USP47: variants seen among roughly 807,000 people sequenced by gnomAD.
USP47 encodes the protein ubiquitin carboxyl-terminal hydrolase 47.
USP47 carries 35 observed loss-of-function variants against 165.1 expected under a neutral mutation model. The observed-to-expected ratio is 0.21, with a 90% confidence interval of 0.16 to 0.28. The LOEUF is 0.28. Among genes scored for constraint, USP47 ranks in the 10% least tolerant of loss-of-function variants. USP47 has a pLI of 1.00. For missense variants in USP47, 1,277 were observed against 1,607.4 expected, an observed-to-expected ratio of 0.79 and a Z score of 3.52; for synonymous variants, 531 against 544.5, an observed-to-expected ratio of 0.98 and a Z score of 0.35.
intron 1 of USP47, among the ~76,000 whole-genome samples, chr11:11,878,386 C>CACTTT (rs1163519392): frequency 6.6e-6 from 1 of 152,096 alleles, no homozygotes; most frequent in Non-Finnish European, 1.5e-5. Flanking sequence ...CTGAAGTATA[C>CACTTT]TATTGAATCT....
chr11:11,888,806 A>G (rs1851331711), intron 3 of USP47, among the ~76,000 whole-genome samples: 1 of 152,210 alleles, frequency 6.6e-6, no homozygotes, highest in Non-Finnish European at 1.5e-5. Context: ...ATCCTTAATA[A>G]AATACTGGCA....
At chr11:11,954,079 G>C (rs1331559809) in intron 25 of USP47, among the ~76,000 whole-genome samples, 1 of 151,950 alleles carries the variant, frequency 6.6e-6, no homozygotes, top group Admixed American at 6.6e-5. Flanking sequence ...GTGAAACCCT[G>C]TGTCTACTAA....
intron 2 of USP47, among the ~76,000 whole-genome samples, chr11:11,880,803 T>G (rs1850776286): frequency 6.6e-6 from 1 of 152,166 alleles, no homozygotes; most frequent in Admixed American, 6.6e-5. Flanking sequence ...CCTCATACAT[T>G]ACAGTGTTAA....
intron 8 of USP47, among the ~76,000 whole-genome samples, chr11:11,917,952 C>A (rs1367516752): frequency 6.6e-6 from 1 of 152,046 alleles, no homozygotes; most frequent in Non-Finnish European, 1.5e-5. Context: ...ATGTTAAAAT[C>A]AAGGGTGGAA....
At chr11:11,846,928 AGAGAC>A (rs1462915705) in intron 1 of USP47, among the ~76,000 whole-genome samples, 1 of 152,146 alleles carries the variant, frequency 6.6e-6, no homozygotes, top group African/African-American at 2.4e-5. Flanking sequence ...CTTACCAGTA[AGAGAC>A]AAGTTTGTCA....
At chr11:11,949,644 A>G (rs557023255) in intron 22 of USP47, among the ~76,000 whole-genome samples, 16 of 152,268 alleles carry the variant, frequency 1.1e-4, no homozygotes, top group African/African-American at 1.7e-4. Context: ...AACCTTTACA[A>G]TGACTCAGTG....
Position 11,938,247 on chromosome 11 carries a change from A to G in USP47, c.2078-10A>G. On this transcript the variant is annotated splice_polypyrimidine_tract_variant and intron_variant, in intron 17 of 27. Transcript: ENST00000527733. ...CTCCAATTCTGTGTTTATGTCTTCAAATGTGACAGAAGTGATGGTGAAAGT... is the reference window on the plus strand; with the variant it reads ...CTCCAATTCTGTGTTTATGTCTTCAGATGTGACAGAAGTGATGGTGAAAGT... 1 of 1,609,036 alleles carries G rather than the reference A, an allele frequency of 6.2e-7. No individual in the cohort carries two copies. Among genetic ancestry groups the G allele is most frequent in the Non-Finnish European group, 8.5e-7 (1 of 1,176,206 alleles).
chr11:11,842,746 A>G (rs1848203816), intron 1 of USP47, among the ~76,000 whole-genome samples: 2 of 152,046 alleles, frequency 1.3e-5, no homozygotes, highest in Non-Finnish European at 2.9e-5. Flanking sequence ...GCCTGCCTAA[A>G]TGGGGCCTAC....
intron 8 of USP47, among the ~76,000 whole-genome samples, chr11:11,909,710 G>A (rs373121444): frequency 6.6e-6 from 1 of 152,238 alleles, no homozygotes; most frequent in Admixed American, 6.5e-5. Context: ...TGACAAAAAC[G>A]TGTTCAAAGT....
At chr11:11,947,849 C>A in intron 20 of USP47, 96 bp from the exon 21 acceptor site, 1 of 1,295,916 alleles carries the variant, frequency 7.7e-7, no homozygotes, top group Non-Finnish European at 1.1e-6. Flanking sequence ...CTCTTTACTG[C>A]ATACAGTGTA....
chr11:11,903,169 A>T (rs1182207997), intron 6 of USP47, 94 bp from the exon 7 acceptor site: 2 of 1,224,740 alleles, frequency 1.6e-6, no homozygotes, highest in Non-Finnish European at 2.3e-6. Context: ...TTTAAGGTAG[A>T]CTTCAATATT....
At chr11:11,929,608 G>A (rs780163460) in intron 12 of USP47, 43 bp downstream of exon 12, 1 of 1,599,408 alleles carries the variant, frequency 6.3e-7, no homozygotes, top group South Asian at 1.1e-5. Context: ...AAAGGTGGGA[G>A]TAAGGATGTT....
At chr11:11,944,299 T>A (rs148501022) in intron 20 of USP47, among the ~76,000 whole-genome samples, 1 of 151,862 alleles carries the variant, frequency 6.6e-6, no homozygotes, top group East Asian at 1.9e-4. Context: ...ATGCTTGTAG[T>A]CTCAAAATTC....
At chr11:11,847,632 A>C (rs1396085901) in intron 1 of USP47, among the ~76,000 whole-genome samples, 1 of 152,126 alleles carries the variant, frequency 6.6e-6, no homozygotes, top group Non-Finnish European at 1.5e-5. Context: ...TCTCACATAT[A>C]GTTCACCACT....
At chr11:11,954,672 GGGTGTAGTTTGTGTATGCATA>G (rs1210925137) in intron 25 of USP47, among the ~76,000 whole-genome samples, 1 of 152,186 alleles carries the variant, frequency 6.6e-6, no homozygotes, top group Non-Finnish European at 1.5e-5. Flanking sequence ...TTAGAAACGT[GGGTGTAGTTTGTGTATGCATA>G]GGAAAAGGTC....
Position 11,841,982 on chromosome 11 carries a change from G to C in USP47, c.-204G>C, listed in dbSNP as rs897602722. On this transcript the variant is annotated 5_prime_UTR_variant, in exon 1 of 28. Coordinates refer to ENST00000527733, the MANE Select transcript of USP47 (RefSeq NM_001282659.2). ...GGGGGAGGGGCCGACGACGAAGGCG[G>C]CTGTGGTAGCGGCGGCGGCGGCGGC... 7.7e-5 allele frequency: 41 copies of C among 534,752 alleles called. No individual in the cohort carries two copies. The highest frequency in any genetic ancestry group is 1.3e-4 in the Non-Finnish European group (40 of 307,664). The allele number at this position is 534,752 out of a possible 1,614,324, so 33.1% of individuals were successfully genotyped here.
intron 1 of USP47, among the ~76,000 whole-genome samples, chr11:11,866,236 T>TC (rs1320857689): frequency 2.6e-5 from 4 of 152,182 alleles, no homozygotes; most frequent in Non-Finnish European, 2.9e-5. Context: ...AATAAAAGCT[T>TC]CATGACCAAA....
chr11:11,895,703 C>T (rs891190972), intron 4 of USP47, among the ~76,000 whole-genome samples: 1 of 152,086 alleles, frequency 6.6e-6, no homozygotes, highest in African/African-American at 2.4e-5. Flanking sequence ...CTAATGTGAA[C>T]TTACAAGTGA....
At chr11:11,857,709 C>T (rs1849131650) in intron 1 of USP47, among the ~76,000 whole-genome samples, 1 of 152,210 alleles carries the variant, frequency 6.6e-6, no homozygotes, top group African/African-American at 2.4e-5. Flanking sequence ...GGAGGCTACT[C>T]CCTTTGCAGA....
Sources: gnomAD v4.1 joint callset for allele counts (sites outside exome capture counted in the v4.1 genomes callset) on GRCh38, gnomAD v4.1.1 for gene constraint, MANE v1.5 for transcripts, NCBI Gene and HGNC (gene_info 2026-07-23, HGNC 2026-07-21) for gene names.